The following AKAP6 variants were observed in gnomAD, a reference collection of about 807,000 sequenced individuals.
AKAP6 encodes A-kinase anchor protein 6.
Under a neutral mutation model 188.5 loss-of-function variants are expected in AKAP6, and 58 were observed. That is an observed-to-expected ratio of 0.31 (90% confidence interval 0.25 to 0.38). AKAP6 has a LOEUF of 0.38. Ranked by LOEUF, AKAP6 falls within the 10% of genes least tolerant of loss-of-function variation. The pLI is 1.00. For synonymous variants in AKAP6, 989 were observed against 998.6 expected (o/e 0.99, Z 0.18); for missense variants, 2,710 against 2,740.0 (o/e 0.99, Z 0.24).
intron 5 of AKAP6, among the ~76,000 whole-genome samples, chr14:32,597,705 A>G (rs1353429056): frequency 2.6e-5 from 4 of 152,268 alleles, no homozygotes; most frequent in South Asian, 2.1e-4. Context: ...TTTCTGTTAT[A>G]TTGGCTGCTG....
rs1885887542 is a variant in AKAP6, at chr14:32,600,644, T to G, written c.2582T>G (p.Leu861Arg). 3 of 1,612,904 alleles carry G rather than the reference T, an allele frequency of 1.9e-6. No individual in the cohort carries two copies. The highest frequency in any genetic ancestry group is 2.5e-6 in the Non-Finnish European group (3 of 1,179,456). Residue 861 changes from leucine to arginine, a missense_variant, in exon 7 of 14, where the codon CTG becomes CGG. This residue lies in a region of AKAP6 where 2,473 missense variants were observed against 2,426.1 expected (regional missense o/e 1.02). Coordinates refer to ENST00000280979, the MANE Select transcript of AKAP6 (RefSeq NM_004274.5). Reference sequence around the variant, plus strand: ...TTTGGAGAAGGACTGAAGGACATGCTGCGGATGATTGCAAGTCAATGGAAG... The same window carrying G: ...TTTGGAGAAGGACTGAAGGACATGCGGCGGATGATTGCAAGTCAATGGAAG... ...ASHKAGLKDM[L>R]RMIASQWKEL...
chr14:32,735,880 A>G lies in AKAP6; in HGVS notation c.3370A>G (p.Lys1124Glu). ...MNTEKQLQYF[K>E]SLCREIKQRR... ...TACTGAGAAACAACTGCAATACTTT[A>G]AGGTAATAAAAAAACAATCAAAGTT... Residue 1124 changes from lysine (K) to glutamate (E), a missense_variant and splice_region_variant, in exon 11 of 14, where the codon AAG becomes GAG. Transcript: ENST00000280979. 6.4e-7 allele frequency: 1 copy of G among 1,573,964 alleles called. No individual in the cohort carries two copies. Among genetic ancestry groups the G allele is most frequent in the Non-Finnish European group, 8.6e-7 (1 of 1,163,676 alleles).
chr14:32,732,512 T>C lies in AKAP6; in HGVS notation c.3059T>C (p.Val1020Ala), dbSNP rs776222041. ...HLKKTELLSK[V>A]EALKKGGVLL... ...AAAAAGACGGAGCTGCTTAGTAAGGTTGAAGCTTTGAAGAAAGGTGGCGTT... is the reference window on the plus strand; with the variant it reads ...AAAAAGACGGAGCTGCTTAGTAAGGCTGAAGCTTTGAAGAAAGGTGGCGTT... Residue 1020 changes from valine to alanine, a missense_variant, in exon 10 of 14, where the codon GTT becomes GCT. This residue lies in a region of AKAP6 where 2,473 missense variants were observed against 2,426.1 expected (regional missense o/e 1.02). Coordinates refer to ENST00000280979, the MANE Select transcript of AKAP6 (RefSeq NM_004274.5). 4 of 1,613,502 alleles carry C rather than the reference T, an allele frequency of 2.5e-6. No homozygotes were observed. Among genetic ancestry groups the C allele is most frequent in the Non-Finnish European group, 1.7e-6 (2 of 1,179,614 alleles).
At chr14:32,542,468 A>G (rs925652822) in intron 3 of AKAP6, among the ~76,000 whole-genome samples, 6 of 152,242 alleles carry the variant, frequency 3.9e-5, no homozygotes, top group Admixed American at 3.3e-4. Context: ...GATAATCACA[A>G]TAGTATTTAT....
intron 12 of AKAP6, among the ~76,000 whole-genome samples, chr14:32,787,495 A>G (rs2033457066): frequency 6.6e-6 from 1 of 151,394 alleles, no homozygotes; most frequent in Non-Finnish European, 1.5e-5. Flanking sequence ...TGGTTGCTGA[A>G]CAAAAATAGA....
chr14:32,478,144 G>A (rs1879162950), intron 2 of AKAP6, among the ~76,000 whole-genome samples: 1 of 152,174 alleles, frequency 6.6e-6, no homozygotes, highest in Non-Finnish European at 1.5e-5. Context: ...AAAGGCATGT[G>A]CTGAGCATTT....
At chr14:32,443,411 A>C (rs1283875855) in intron 2 of AKAP6, among the ~76,000 whole-genome samples, 1 of 148,906 alleles carries the variant, frequency 6.7e-6, no homozygotes, top group East Asian at 2.0e-4. Flanking sequence ...ACAAAACAAA[A>C]AAAAAACAAA....
At chr14:32,425,058 A>C (rs1180849946) in intron 1 of AKAP6, among the ~76,000 whole-genome samples, 1 of 152,166 alleles carries the variant, frequency 6.6e-6, no homozygotes, top group Non-Finnish European at 1.5e-5. Context: ...GTCTTTGAGG[A>C]ATCACCACAT....
intron 1 of AKAP6, among the ~76,000 whole-genome samples, chr14:32,337,580 T>C (rs1886748141): frequency 6.6e-6 from 1 of 152,108 alleles, no homozygotes; most frequent in South Asian, 2.1e-4. Flanking sequence ...TTTTATTTTA[T>C]TATTATTATA....
At chr14:32,518,228 A>G (rs1162222051) in intron 2 of AKAP6, among the ~76,000 whole-genome samples, 1 of 152,228 alleles carries the variant, frequency 6.6e-6, no homozygotes, top group Non-Finnish European at 1.5e-5. Flanking sequence ...AGACAAAACC[A>G]CAAAGATAGG....
Position 32,696,794 on chromosome 14 carries a change from T to TA in AKAP6, c.3000+698dup, listed in dbSNP as rs202150922. Reference sequence around the variant, plus strand: ...TATAAAGCAATCATGTGATTTTGCCTAAAAAAAAAAAAAATGGTTGCAGGA... The same window carrying TA: ...TATAAAGCAATCATGTGATTTTGCCTAAAAAAAAAAAAAAATGGTTGCAGGA... On this transcript the variant is annotated intron_variant, in intron 9 of 13. Transcript: ENST00000280979. Among the ~76,000 whole-genome samples, 374 of 137,712 alleles carry TA rather than the reference T, an allele frequency of 2.7e-3. 2 individuals carry two copies. Among genetic ancestry groups the TA allele is most frequent in the African/African-American group, 4.0e-3 (152 of 37,998 alleles). 90.3% of individuals were successfully genotyped at this position (137,712 alleles called of 152,430 possible).
intron 7 of AKAP6, among the ~76,000 whole-genome samples, chr14:32,660,642 A>G (rs1199079412): frequency 6.6e-6 from 1 of 152,088 alleles, no homozygotes; most frequent in African/African-American, 2.4e-5. Flanking sequence ...AAACTTTTTA[A>G]AGGAGTTTGT....
At chr14:32,523,674 G>GCCCA (rs1881974164) in intron 2 of AKAP6, among the ~76,000 whole-genome samples, 1 of 151,090 alleles carries the variant, frequency 6.6e-6, no homozygotes. Context: ...TCACTTTGTC[G>GCCCA]CCCAGACTGG....
In AKAP6 at chr14:32,831,080, T is replaced by C. The variant is rs1206897746; in HGVS notation, c.*1275T>C. ...TTTATTTCCACTTATCATTAATGAT[T>C]TAATGTTGGATTTCAGGTACCTTGT... On this transcript the variant is annotated 3_prime_UTR_variant, in exon 14 of 14. Transcript: ENST00000280979. 6.6e-6 allele frequency: 1 copy of C among 152,196 alleles called. No homozygotes were observed. The highest frequency in any genetic ancestry group is 1.5e-5 in the Non-Finnish European group (1 of 68,024). 9.4% of individuals were successfully genotyped at this position (152,196 alleles called of 1,614,324 possible). A position where few individuals can be genotyped will look rare whatever the true frequency, so the allele number is the denominator to read the frequency against.
chr14:32,771,924 C>T (rs1052768480), intron 11 of AKAP6, among the ~76,000 whole-genome samples: 1 of 152,014 alleles, frequency 6.6e-6, no homozygotes, highest in African/African-American at 2.4e-5. Flanking sequence ...TTCATTTGGC[C>T]GTAATGTTAT....
At chr14:32,611,990 T>A (rs1354685306) in intron 7 of AKAP6, among the ~76,000 whole-genome samples, 1 of 152,032 alleles carries the variant, frequency 6.6e-6, no homozygotes, top group Non-Finnish European at 1.5e-5. Flanking sequence ...ACAAACCCCA[T>A]GAGATTAGTC....
intron 1 of AKAP6, among the ~76,000 whole-genome samples, chr14:32,410,902 T>C (rs887612245): frequency 6.6e-6 from 1 of 152,172 alleles, no homozygotes; most frequent in Non-Finnish European, 1.5e-5. Context: ...ACACTATGCT[T>C]TTTAAATTGT....
intron 8 of AKAP6, among the ~76,000 whole-genome samples, chr14:32,691,646 C>T (rs1374436961): frequency 1.3e-5 from 2 of 151,948 alleles, no homozygotes; most frequent in African/African-American, 4.8e-5. Flanking sequence ...GCAACCTTTG[C>T]CTCCTGGGTT....
At chr14:32,393,631 C>CT (rs1429339392) in intron 1 of AKAP6, among the ~76,000 whole-genome samples, 2 of 152,032 alleles carry the variant, frequency 1.3e-5, no homozygotes, top group African/African-American at 4.8e-5. Flanking sequence ...GTTTACTGGA[C>CT]TTTCTTGTCT....
Sources: allele counts gnomAD v4.1 joint callset (sites outside exome capture counted in the v4.1 genomes callset), GRCh38; gene constraint gnomAD v4.1.1; regional missense constraint gnomAD v4.1.1; transcripts MANE v1.5; gene names NCBI Gene and HGNC (gene_info 2026-07-23, HGNC 2026-07-21).